Variants in SLC41A3 observed in about 807,000 individuals in gnomAD.
SLC41A3 encodes solute carrier family 41 member 3, also known as SLC41A1-like 2.
Under a neutral mutation model 45.4 loss-of-function variants are expected in SLC41A3, and 44 were observed. The ratio of observed to expected loss-of-function variants is 0.97; its 90% CI spans 0.76 to 1.25. The LOEUF (loss-of-function observed/expected upper bound fraction) is 1.25, where lower values mean the gene tolerates loss of function less well. SLC41A3 is among the 50% of genes most tolerant of loss of function. SLC41A3 has a pLI of 0.00. For synonymous variants in SLC41A3, 256 were observed against 252.4 expected (o/e 1.01, Z -0.13); for missense variants, 550 against 600.6 (o/e 0.92, Z 0.88).
rs1239077171 is a variant in SLC41A3, at chr3:126,068,165, C to T, written c.55G>A (p.Glu19Lys). 3.1e-6 allele frequency: 5 copies of T among 1,592,390 alleles called. No individual in the cohort carries two copies. The African/African-American group carries it at 6.7e-5, about 21-fold the overall frequency. The change falls in exon 2 of 11, where the codon GAG (glutamate) becomes AAG (lysine). Residue 19 changes from glutamate to lysine, a missense_variant. Glu to Lys is a moderately conservative substitution (Grantham distance 56). Coordinates refer to ENST00000360370, the MANE Select transcript of SLC41A3 (RefSeq NM_017836.4). ...CTGAGGGGGTGAGGAAGCCCCAGCTCCCCTGGCTTGCCACAGCTGTCCAGC... is the reference window on the plus strand; with the variant it reads ...CTGAGGGGGTGAGGAAGCCCCAGCTTCCCTGGCTTGCCACAGCTGTCCAGC... ...RRLDSCGKPG[E>K]LGLPHPLSTG...
At chr3:126,020,160 C>T (rs990585087) in intron 6 of SLC41A3, among the ~76,000 whole-genome samples, 4 of 152,092 alleles carry the variant, frequency 2.6e-5, no homozygotes, top group African/African-American at 7.2e-5. Context: ...GCACCCGAGC[C>T]GTGTGAGCCA....
chr3:126,099,531 GTGAAA>G, intron 1 of SLC41A3, among the ~76,000 whole-genome samples: 1 of 152,176 alleles, frequency 6.6e-6, no homozygotes, highest in South Asian at 2.1e-4. Context: ...GGCCAACATG[GTGAAA>G]CCCCGTCTCT....
At chr3:126,029,595 A>G (rs145397949) in intron 4 of SLC41A3, among the ~76,000 whole-genome samples, 2 of 152,338 alleles carry the variant, frequency 1.3e-5, no homozygotes, top group Non-Finnish European at 2.9e-5. Flanking sequence ...AACTAATACA[A>G]AGAGCTAGTT....
intron 4 of SLC41A3, among the ~76,000 whole-genome samples, chr3:126,031,958 C>T (rs1408615352): frequency 6.6e-6 from 1 of 152,238 alleles, no homozygotes; most frequent in East Asian, 1.9e-4. Context: ...ACAATCAGGG[C>T]AGCCGCAGCA....
upstream of SLC41A3, among the ~76,000 whole-genome samples, chr3:126,086,789 T>C (rs1333395830): frequency 6.6e-6 from 1 of 152,144 alleles, no homozygotes; most frequent in Admixed American, 6.5e-5. Context: ...GTCTTACAAA[T>C]ACATAAGATG....
chr3:126,021,756 C>T (rs1195350979), intron 6 of SLC41A3, among the ~76,000 whole-genome samples: 1 of 152,092 alleles, frequency 6.6e-6, no homozygotes, highest in Non-Finnish European at 1.5e-5. Context: ...CACCTGAGCC[C>T]AAAACTTAAG....
chr3:126,093,022 C>T (rs1024138070), intron 1 of SLC41A3, among the ~76,000 whole-genome samples: 2 of 152,172 alleles, frequency 1.3e-5, no homozygotes, highest in African/African-American at 2.4e-5. Flanking sequence ...ACTGTTCGAG[C>T]AGCACCTCAA....
At chr3:126,077,489 C>A (rs925477873) in intron 1 of SLC41A3, among the ~76,000 whole-genome samples, 1 of 152,180 alleles carries the variant, frequency 6.6e-6, no homozygotes, top group Non-Finnish European at 1.5e-5. Context: ...TGTTTACCCA[C>A]ACAGACACAG....
intron 1 of SLC41A3, among the ~76,000 whole-genome samples, chr3:126,079,608 T>A (rs1011457987): frequency 6.6e-6 from 1 of 152,180 alleles, no homozygotes; most frequent in South Asian, 2.1e-4. Flanking sequence ...GATGGAAAGA[T>A]ACATTATGTT....
chr3:126,061,748 G>A (rs1349616031), intron 2 of SLC41A3, among the ~76,000 whole-genome samples: 1 of 152,060 alleles, frequency 6.6e-6, no homozygotes, highest in Non-Finnish European at 1.5e-5. Flanking sequence ...CCGTGACTGA[G>A]GACACCTGGC....
intron 1 of SLC41A3, among the ~76,000 whole-genome samples, chr3:126,073,928 C>T (rs1016688706): frequency 3.9e-5 from 6 of 152,100 alleles, no homozygotes; most frequent in African/African-American, 1.4e-4. Context: ...AATACAGACA[C>T]AAAATCCTCA....
intron 2 of SLC41A3, chr3:126,056,547 C>T: frequency 6.2e-7 from 1 of 1,613,374 alleles, no homozygotes; most frequent in Non-Finnish European, 8.5e-7. Flanking sequence ...GCTGGGTGAC[C>T]ACCATGGCCA....
intron 1 of SLC41A3, among the ~76,000 whole-genome samples, chr3:126,100,190 G>T (rs1414764170): frequency 1.8e-5 from 2 of 109,380 alleles, no homozygotes; most frequent in African/African-American, 4.2e-5. Context: ...GCCACGGAGG[G>T]TCCTCTTCCC....
chr3:126,019,669 C>T (rs913797342), intron 6 of SLC41A3, among the ~76,000 whole-genome samples: 4 of 152,190 alleles, frequency 2.6e-5, no homozygotes, highest in Non-Finnish European at 5.9e-5. Flanking sequence ...CCTGAGAGAG[C>T]AGACACTGGG....
At chr3:126,042,131 G>A (rs1407959179) in intron 3 of SLC41A3, among the ~76,000 whole-genome samples, 1 of 152,184 alleles carries the variant, frequency 6.6e-6, no homozygotes, top group Non-Finnish European at 1.5e-5. Flanking sequence ...GACACAGTTT[G>A]GACATTAGGA....
At chr3:126,016,568 A>C (rs996905970) in intron 7 of SLC41A3, among the ~76,000 whole-genome samples, 163 bp downstream of exon 7, 6 of 152,048 alleles carry the variant, frequency 3.9e-5, no homozygotes, top group African/African-American at 1.4e-4. Context: ...GGAGAGAAGA[A>C]AGGAAAAAAG....
At position 126,008,827 on chromosome 3, in the gene SLC41A3, G is replaced by A. The variant is rs998425733; in HGVS notation, c.1159C>T (p.Leu387=). Reference sequence around the variant, plus strand: ...AGGTAGATGATGTAGAAGAAAATCAGATGGCCTGGGACCACCAGCAAGAGC... The same window carrying A: ...AGGTAGATGATGTAGAAGAAAATCAAATGGCCTGGGACCACCAGCAAGAGC... ...VLLLLVVPGH[L]IFFYIIYLVE... is the part of the protein sequence containing the mutation. The change falls in exon 10 of 11, where the codon CTG becomes TTG. Residue 387 remains leucine (L), a synonymous_variant. Coordinates refer to ENST00000360370, the MANE Select transcript of SLC41A3 (RefSeq NM_017836.4). 1.5e-5 allele frequency: 24 copies of A among 1,614,068 alleles called. No homozygotes were observed. The highest frequency in any genetic ancestry group is 1.9e-5 in the Non-Finnish European group (23 of 1,180,040).
chr3:126,016,884 A>T lies in SLC41A3; in HGVS notation c.746-9T>A. 1.2e-6 allele frequency: 2 copies of T among 1,610,418 alleles called. No individual in the cohort carries two copies. ...CGTCAGATACCGACTATCTGAAAGGAGAACAGGGACACACGCAGCTCATGT... is the reference window on the plus strand; with the variant it reads ...CGTCAGATACCGACTATCTGAAAGGTGAACAGGGACACACGCAGCTCATGT... On this transcript the variant is annotated splice_polypyrimidine_tract_variant and intron_variant, in intron 6 of 10. Transcript: ENST00000360370.
At chr3:126,054,614 T>C (rs1007661643) in intron 2 of SLC41A3, among the ~76,000 whole-genome samples, 1 of 151,654 alleles carries the variant, frequency 6.6e-6, no homozygotes, top group Non-Finnish European at 1.5e-5. Flanking sequence ...ATCCCTCTGC[T>C]TGGAATGTTC....
Sources: allele counts gnomAD v4.1 joint callset (sites outside exome capture counted in the v4.1 genomes callset), GRCh38; gene constraint gnomAD v4.1.1; transcripts MANE v1.5; gene names NCBI Gene and HGNC (gene_info 2026-07-23, HGNC 2026-07-21).